Variants in ERN1 observed in about 807,000 individuals in gnomAD.
The protein encoded by ERN1 is serine/threonine-protein kinase/endoribonuclease IRE1.
Under a neutral mutation model 113.1 loss-of-function variants are expected in ERN1, and 39 were observed. The ratio of observed to expected loss-of-function variants is 0.34; its 90% CI spans 0.27 to 0.45. The LOEUF (loss-of-function observed/expected upper bound fraction) is 0.45, where lower values mean the gene tolerates loss of function less well. ERN1 is among the 20% of genes least tolerant of loss of function. The pLI, the probability that ERN1 is intolerant of heterozygous loss-of-function variation, is 1.00. For missense variants in ERN1, 976 were observed against 1,274.8 expected (o/e 0.77, Z 3.57); for synonymous variants, 507 against 515.9 (o/e 0.98, Z 0.23).
intron 1 of ERN1, among the ~76,000 whole-genome samples, chr17:64,120,459 T>G (rs746967053): frequency 6.6e-6 from 1 of 151,670 alleles, no homozygotes; most frequent in Non-Finnish European, 1.5e-5. Context: ...AAACAATTAT[T>G]CCTTCATCTG....
chr17:64,047,730 A>G, intron 19 of ERN1, 128 bp downstream of exon 19: 1 of 740,972 alleles, frequency 1.3e-6, no homozygotes, highest in African/African-American at 1.7e-5. Flanking sequence ...ACATTAAAAC[A>G]TCAGCCATGA....
chr17:64,088,314 A>G (rs1197003815), intron 2 of ERN1, among the ~76,000 whole-genome samples: 1 of 152,154 alleles, frequency 6.6e-6, no homozygotes, highest in Non-Finnish European at 1.5e-5. Context: ...ATAACGCAGC[A>G]ATGGAAATCA....
chr17:64,067,493 A>G (rs999732797), intron 7 of ERN1, among the ~76,000 whole-genome samples: 2 of 151,450 alleles, frequency 1.3e-5, no homozygotes, highest in Non-Finnish European at 2.9e-5. Flanking sequence ...CTGTGGTCCC[A>G]GCTACTCAGT....
intron 2 of ERN1, among the ~76,000 whole-genome samples, chr17:64,089,849 T>C (rs1180137978): frequency 2.6e-5 from 4 of 152,112 alleles, no homozygotes; most frequent in Non-Finnish European, 5.9e-5. Flanking sequence ...TAGAAAGGCA[T>C]AGTCTGAATG....
chr17:64,063,857 G>T lies in ERN1; in HGVS notation c.1087+129C>A. 5.2e-6 allele frequency: 4 copies of T among 774,310 alleles called. No individual in the cohort carries two copies. Among genetic ancestry groups the T allele is most frequent in the Admixed American group, 2.9e-5 (1 of 34,542 alleles). 48.0% of individuals were successfully genotyped at this position (774,310 alleles called of 1,614,324 possible). On this transcript the variant is annotated intron_variant, in intron 10 of 21. Coordinates refer to ENST00000433197, the MANE Select transcript of ERN1 (RefSeq NM_001433.5). The surrounding 1 kb of genome is among the most constrained non-coding windows in gnomAD (Gnocchi z 5.1). The stretch of plus-strand genomic sequence containing the variant: ...GGTAAAAATGTCCCAAGGTCTCAGG[G>T]GCCAGCCGGGAAGGGCTCTGAGCAC...
Position 64,130,042 on chromosome 17 carries a change from GC to G in ERN1, c.-14del. 1 of 1,403,144 alleles carries G rather than the reference GC, an allele frequency of 7.1e-7. No homozygotes were observed. The highest frequency in any genetic ancestry group is 9.2e-7 in the Non-Finnish European group (1 of 1,086,942). The allele number at this position is 1,403,144 out of a possible 1,614,324, so 86.9% of individuals were successfully genotyped here. ...GCCGGGCCGGCATGGCGAGGACTCG[GC>G]CCTGGCTCCGGGGGCGGTACGGACA... is the stretch of plus-strand genomic sequence containing the variant. On this transcript the variant is annotated 5_prime_UTR_variant, in exon 1 of 22. Transcript: ENST00000433197. The surrounding 1 kb of genome is among the most constrained non-coding windows in gnomAD (Gnocchi z 4.0).
At chr17:64,051,880 G>C (rs369538309) in intron 17 of ERN1, among the ~76,000 whole-genome samples, 5 of 152,230 alleles carry the variant, frequency 3.3e-5, no homozygotes, top group Admixed American at 2.6e-4. Flanking sequence ...TAACTGTTGA[G>C]GTGGGATAAT....
At chr17:64,127,907 T>C (rs1915122144) in intron 1 of ERN1, among the ~76,000 whole-genome samples, 1 of 151,228 alleles carries the variant, frequency 6.6e-6, no homozygotes, top group African/African-American at 2.4e-5. Flanking sequence ...ACTGCAAACT[T>C]TGCTATGAGT....
chr17:64,050,683 G>T (rs1912655161), intron 17 of ERN1, among the ~76,000 whole-genome samples: 1 of 152,162 alleles, frequency 6.6e-6, no homozygotes, highest in African/African-American at 2.4e-5. Context: ...TTAATGCAAG[G>T]GGGAAAATGA....
chr17:64,109,320 ATACTC>A (rs1410066709), intron 1 of ERN1, among the ~76,000 whole-genome samples: 1 of 152,188 alleles, frequency 6.6e-6, no homozygotes, highest in African/African-American at 2.4e-5. Context: ...AAGTGGAAAA[ATACTC>A]TAGTTAAATT....
At chr17:64,079,071 T>C (rs1181516144) in intron 4 of ERN1, among the ~76,000 whole-genome samples, 1 of 152,098 alleles carries the variant, frequency 6.6e-6, no homozygotes, top group Admixed American at 6.5e-5. Context: ...CAGATGACCA[T>C]ATGTGTGGGC....
intron 1 of ERN1, among the ~76,000 whole-genome samples, chr17:64,109,215 A>G (rs1914610741): frequency 6.6e-6 from 1 of 152,216 alleles, no homozygotes; most frequent in Non-Finnish European, 1.5e-5. Flanking sequence ...TCCTGGTAAC[A>G]GCAACTAATC....
At chr17:64,099,041 T>C (rs1313930978) in intron 1 of ERN1, among the ~76,000 whole-genome samples, 2 of 152,126 alleles carry the variant, frequency 1.3e-5, no homozygotes, top group African/African-American at 4.8e-5. Flanking sequence ...ATGGAAAAAG[T>C]TCTGTGCACA....
At chr17:64,068,398 C>A in intron 6 of ERN1, 107 bp from the exon 7 acceptor site, 2 of 760,668 alleles carry the variant, frequency 2.6e-6, no homozygotes, top group Middle Eastern at 2.9e-4. Context: ...AAACTGTAGG[C>A]CAAAAAGTCC....
At chr17:64,110,980 G>A (rs1206496620) in intron 1 of ERN1, among the ~76,000 whole-genome samples, 1 of 152,036 alleles carries the variant, frequency 6.6e-6, no homozygotes, top group East Asian at 1.9e-4. Flanking sequence ...TCAAGTGGTC[G>A]GCAGGAAACA....
Position 64,040,964 on chromosome 17 carries a change from G to A in ERN1, c.*3024C>T, listed in dbSNP as rs1912318820. 1 of 151,942 alleles carries A rather than the reference G, an allele frequency of 6.6e-6. No individual in the cohort carries two copies. Among genetic ancestry groups the A allele is most frequent in the African/African-American group, 2.4e-5 (1 of 41,370 alleles). 9.4% of individuals were successfully genotyped at this position (151,942 alleles called of 1,614,324 possible). A position where few individuals can be genotyped will look rare whatever the true frequency, so the allele number is the denominator to read the frequency against. On this transcript the variant is annotated 3_prime_UTR_variant, in exon 22 of 22. Coordinates refer to ENST00000433197, the MANE Select transcript of ERN1 (RefSeq NM_001433.5). ...ATCGAGACCATCCTGCCTAACATGGGGAAACCCCGTCTCTACTAAAAAAAA... is the reference window on the plus strand; with the variant it reads ...ATCGAGACCATCCTGCCTAACATGGAGAAACCCCGTCTCTACTAAAAAAAA...
chr17:64,044,184 T>C lies in ERN1; in HGVS notation c.2738A>G (p.Glu913Gly), dbSNP rs61738538. The change falls in exon 22 of 22, where the codon GAG becomes GGG. Residue 913 changes from glutamate to glycine, a missense_variant. Around this residue, in one of 5 missense-constraint regions of ERN1, gnomAD observed 297 missense variants for 457.8 expected, o/e 0.65. Coordinates refer to ENST00000433197, the MANE Select transcript of ERN1 (RefSeq NM_001433.5). This position sits in a 1 kb window ranked among gnomAD's most constrained non-coding sequence, Gnocchi z 4.1. ...CGTCTCCCGCACCTCTGCAGGCAGCTCCCGGTAGTGGTGCTTCTGCAAAGA... is the reference window on the plus strand; with the variant it reads ...CGTCTCCCGCACCTCTGCAGGCAGCCCCCGGTAGTGGTGCTTCTGCAAAGA... ...AMRNKKHHYR[E>G]LPAEVRETLG... 1,470 of 1,558,248 alleles carry C rather than the reference T, an allele frequency of 9.4e-4. 4 individuals carry two copies. Among genetic ancestry groups the C allele is most frequent in the Non-Finnish European group, 1.2e-3 (1,374 of 1,147,938 alleles).
chr17:64,075,267 G>GAA lies in ERN1; in HGVS notation c.283-22_283-21dup. On this transcript the variant is annotated intron_variant, in intron 4 of 21. Transcript: ENST00000433197. ...AAGTTTCTTTAAAAAAAAAAAAAAA[G>GAA]AAAAAAAAAAGTTAACCAAGTCTTG... 2.9e-5 allele frequency: 17 copies of GAA among 592,434 alleles called. No individual in the cohort carries two copies. The highest frequency in any genetic ancestry group is 1.0e-4 in the Admixed American group (2 of 19,978). The allele number at this position is 592,434 out of a possible 1,614,324, so 36.7% of individuals were successfully genotyped here.
chr17:64,074,474 C>G (rs1913525971), intron 5 of ERN1, among the ~76,000 whole-genome samples: 1 of 152,136 alleles, frequency 6.6e-6, no homozygotes, highest in Non-Finnish European at 1.5e-5. Flanking sequence ...TCTCAGTGTC[C>G]TGAGCAAAAC....
Sources: gnomAD v4.1 joint callset for allele counts (sites outside exome capture counted in the v4.1 genomes callset) on GRCh38, gnomAD v4.1.1 for gene constraint, gnomAD v4.1.1 regional missense constraint, Gnocchi (gnomAD v3.1) non-coding constraint, MANE v1.5 for transcripts, NCBI Gene and HGNC (gene_info 2026-07-23, HGNC 2026-07-21) for gene names.